CPS1: variants seen among roughly 807,000 people sequenced by gnomAD.
CPS1 encodes carbamoyl-phosphate synthase [ammonia], mitochondrial.
A neutral mutation model predicts 174.6 loss-of-function variants in CPS1; 109 were observed. The observed-to-expected ratio is 0.62, with a 90% CI of 0.53 to 0.73. The LOEUF is 0.73. CPS1 is among the 30% of genes least tolerant of loss of function. The pLI is 0.00. For synonymous variants in CPS1, 637 were observed against 632.0 expected, an observed-to-expected ratio of 1.01 and a Z score of -0.12; for missense variants, 1,689 against 1,821.9, an observed-to-expected ratio of 0.93 and a Z score of 1.33.
At chr2:210,662,972 C>G in intron 32 of CPS1, 151 bp from the exon 33 acceptor site, 2 of 757,996 alleles carry the variant, frequency 2.6e-6, no homozygotes, top group Non-Finnish European at 4.4e-6. Context: ...TCTTTCAAGT[C>G]GGATGCTTGG....
At chr2:210,582,836 T>C (rs1008907985) in intron 6 of CPS1, 127 bp downstream of exon 6, 124 of 757,790 alleles carry the variant, frequency 1.6e-4, no homozygotes, top group Admixed American at 3.4e-4. Context: ...TAGAAAGGGA[T>C]CTCATAGCAG....
intron 1 of CPS1, among the ~76,000 whole-genome samples, chr2:210,479,528 C>G (rs1267016522): frequency 6.6e-6 from 1 of 152,082 alleles, no homozygotes; most frequent in Admixed American, 6.5e-5. Flanking sequence ...GGGGTTTCAC[C>G]ATGTTGGCCA....
chr2:210,477,866 A>AT, intron 1 of CPS1: 1 of 1,353,070 alleles, frequency 7.4e-7, no homozygotes, highest in Non-Finnish European at 1.0e-6. Flanking sequence ...TTTATCAATT[A>AT]TTTTTTCTTT....
At chr2:210,629,783 G>GC (rs904844085) in intron 21 of CPS1, among the ~76,000 whole-genome samples, 1 of 149,830 alleles carries the variant, frequency 6.7e-6, no homozygotes, top group African/African-American at 2.5e-5. Flanking sequence ...GGGCTCGGTG[G>GC]CTCACGCCTG....
At chr2:210,610,705 T>A (rs1468476550) in intron 19 of CPS1, among the ~76,000 whole-genome samples, 2 of 151,738 alleles carry the variant, frequency 1.3e-5, no homozygotes, top group Non-Finnish European at 2.9e-5. Flanking sequence ...TAGTGAGCCC[T>A]ATAGTGCCGC....
At chr2:210,480,824 T>G (rs1694549641) in intron 1 of CPS1, among the ~76,000 whole-genome samples, 1 of 152,226 alleles carries the variant, frequency 6.6e-6, no homozygotes, top group South Asian at 2.1e-4. Context: ...TTGAGTCTAA[T>G]ATCACCACAC....
Position 210,556,842 on chromosome 2 carries a change from A to C in CPS1, c.109A>C (p.Arg37=), listed in dbSNP as rs1265700144. The C allele has an allele frequency of 1.2e-6, 2 of 1,613,044 alleles. No individual in the cohort carries two copies. The highest frequency in any genetic ancestry group is 1.7e-6 in the Non-Finnish European group (2 of 1,179,274). Residue 37 remains arginine (R), a synonymous_variant, in exon 1 of 38, where the codon AGG becomes CGG. Transcript: ENST00000233072. ...ATGGAAATTTTCAAGACCTGGCATC[A>C]GGCTCCTTTCTGTCAAGGTAATACC... is the stretch of plus-strand genomic sequence containing the variant. The part of the protein sequence containing the change: ...QKWKFSRPGI[R]LLSVKAQTAH...
intron 15 of CPS1, among the ~76,000 whole-genome samples, chr2:210,600,983 T>A (rs955241161): frequency 6.6e-6 from 1 of 151,940 alleles, no homozygotes; most frequent in Non-Finnish European, 1.5e-5. Flanking sequence ...TCAGATCTCC[T>A]GAACTGAAAC....
Position 210,607,807 on chromosome 2 carries a change from C to A in CPS1, c.2193-554C>A, listed in dbSNP as rs73073588. 9.5e-3 allele frequency among the ~76,000 whole-genome samples: 1,445 copies of A among 151,934 alleles called. 22 individuals carry two copies. Among genetic ancestry groups the A allele is most frequent in the African/African-American group, 0.033 (1,376 of 41,486 alleles). ...TCTCAAACAGAATAACCCAAACTGACATTCTGGATGAAGATAGTCAAGTTC... is the reference window on the plus strand; with the variant it reads ...TCTCAAACAGAATAACCCAAACTGAAATTCTGGATGAAGATAGTCAAGTTC... On this transcript the variant is annotated intron_variant, in intron 18 of 37. Coordinates refer to ENST00000233072, the MANE Select transcript of CPS1 (RefSeq NM_001875.5).
In CPS1 at chr2:210,542,005, C is replaced by G. The variant is rs891466135; in HGVS notation, c.4-14714C>G. On this transcript the variant is annotated intron_variant, in intron 1 of 38. Coordinates refer to the CPS1 transcript ENST00000430249. ...GTGCCACCTTCAAAATTCCAGCATC[C>G]TTTTCCCCTCCTCCCTTATTTTTTG... 2.6e-5 allele frequency among the ~76,000 whole-genome samples: 4 copies of G among 152,094 alleles called. No individual in the cohort carries two copies. The South Asian group carries it at 8.3e-4, about 31-fold the overall frequency.
In CPS1 at chr2:210,639,195, T is replaced by C. The variant is rs146854459; in HGVS notation, c.2875T>C (p.Tyr959His). ...ATACCCATCAGTAACAAACTATCTC[T>C]ATGTTACCTACAATGGTCAGGTAGG... ...AEYPSVTNYL[Y>H]VTYNGQEHDV... Residue 959 changes from tyrosine to histidine, a missense_variant, in exon 23 of 38, where the codon TAT (tyrosine) becomes CAT (histidine). By Grantham distance (83) the Tyr-to-His change is moderately conservative (BLOSUM62 2). Transcript: ENST00000233072. 6.8e-6 allele frequency: 11 copies of C among 1,611,160 alleles called. No individual in the cohort carries two copies. The highest frequency in any genetic ancestry group is 3.3e-5 in the Admixed American group (2 of 59,978).
At chr2:210,573,431 T>C (rs1166631204) in intron 2 of CPS1, 24 bp downstream of exon 2, 16 of 1,523,526 alleles carry the variant, frequency 1.1e-5, no homozygotes, top group Non-Finnish European at 1.5e-5. Flanking sequence ...TTCCAAGGCT[T>C]TATTTTTCCT....
chr2:210,565,874 C>G (rs1184157464), intron 1 of CPS1, among the ~76,000 whole-genome samples: 1 of 152,190 alleles, frequency 6.6e-6, no homozygotes, highest in Admixed American at 6.5e-5. Context: ...GACTTAGGTT[C>G]TCTGTAAACA....
chr2:210,532,025 AC>A (rs1696126562), intron 1 of CPS1, among the ~76,000 whole-genome samples: 1 of 152,074 alleles, frequency 6.6e-6, no homozygotes, highest in African/African-American at 2.4e-5. Context: ...AGTACTGTTA[AC>A]TCTGAAAATC....
chr2:210,606,281 A>T (rs1698906021), intron 17 of CPS1, among the ~76,000 whole-genome samples: 2 of 151,864 alleles, frequency 1.3e-5, no homozygotes, highest in Admixed American at 1.3e-4. Flanking sequence ...GGCAGTGAAG[A>T]TCTGAGCGTG....
chr2:210,527,637 C>T (rs1169296402), intron 1 of CPS1, among the ~76,000 whole-genome samples: 1 of 151,762 alleles, frequency 6.6e-6, no homozygotes, highest in African/African-American at 2.4e-5. Flanking sequence ...ATAGAACCTT[C>T]TATTTGTTCT....
intron 5 of CPS1, among the ~76,000 whole-genome samples, chr2:210,581,585 T>C (rs1697924584): frequency 6.6e-6 from 1 of 152,152 alleles, no homozygotes. Flanking sequence ...GACAAGGGGT[T>C]ATGCGACTTG....
chr2:210,600,726 G>T lies in CPS1; in HGVS notation c.1707+14G>T, dbSNP rs1559098928. 6.2e-7 allele frequency: 1 copy of T among 1,611,280 alleles called. No individual in the cohort carries two copies. The highest frequency in any genetic ancestry group is 1.1e-5 in the South Asian group (1 of 91,008). ...GCAGTGGAATCGGTAAGGATTCTTT[G>T]CTTTGGAAAAACAAGGGCATTATTT... On this transcript the variant is annotated intron_variant, in intron 15 of 37. Transcript: ENST00000233072.
chr2:210,606,352 T>C (rs1698910538), intron 17 of CPS1, among the ~76,000 whole-genome samples: 1 of 151,320 alleles, frequency 6.6e-6, no homozygotes. Context: ...ATGAGGGAAG[T>C]GAAGATGGAA....
Sources: allele counts gnomAD v4.1 joint callset (sites outside exome capture counted in the v4.1 genomes callset), GRCh38; gene constraint gnomAD v4.1.1; transcripts MANE v1.5; gene names NCBI Gene and HGNC (gene_info 2026-07-23, HGNC 2026-07-21).